The following ASCC3 variants were observed in gnomAD, a reference collection of about 807,000 sequenced individuals.
ASCC3 encodes ASC-1 complex subunit P200.
ASCC3 carries 158 observed loss-of-function variants against 256.3 expected under a neutral mutation model. The observed-to-expected ratio is 0.62, with a 90% CI of 0.54 to 0.70. ASCC3 has a LOEUF of 0.70. Among genes scored for constraint, ASCC3 ranks in the 30% least tolerant of loss-of-function variants. The pLI, the probability that ASCC3 is intolerant of heterozygous loss-of-function variation, is 0.00. For missense variants in ASCC3, 2,259 were observed against 2,626.0 expected (o/e 0.86, Z 3.05); for synonymous variants, 948 against 883.4 (o/e 1.07, Z -1.30).
chr6:100,819,171 G>T (rs193075035), intron 4 of ASCC3, among the ~76,000 whole-genome samples: 180 of 151,972 alleles, frequency 1.2e-3, no homozygotes, highest in African/African-American at 4.2e-3. Context: ...GTCGGGGGCT[G>T]GGGGGCTGGG....
intron 11 of ASCC3, among the ~76,000 whole-genome samples, chr6:100,719,215 T>C (rs1263952675): frequency 6.6e-6 from 1 of 152,080 alleles, no homozygotes; most frequent in Non-Finnish European, 1.5e-5. Flanking sequence ...AATACATATA[T>C]AGTATCTTAT....
intron 36 of ASCC3, among the ~76,000 whole-genome samples, chr6:100,551,386 G>A (rs1769292615): frequency 6.6e-6 from 1 of 151,892 alleles, no homozygotes; most frequent in Non-Finnish European, 1.5e-5. Context: ...TAGTGGGCAT[G>A]TAGGTATCTG....
At chr6:100,766,533 T>C (rs1781663284) in intron 10 of ASCC3, 32 bp downstream of exon 10, 1 of 1,607,644 alleles carries the variant, frequency 6.2e-7, no homozygotes, top group South Asian at 1.1e-5. Flanking sequence ...AAAAGAATGG[T>C]ATTAAACAAA....
At chr6:100,810,492 T>C (rs2114382759) in intron 4 of ASCC3, among the ~76,000 whole-genome samples, 1 of 152,284 alleles carries the variant, frequency 6.6e-6, no homozygotes. Context: ...CAAAGACATG[T>C]TGTATTCGTA....
chr6:100,730,428 GA>G (rs1779850169), intron 10 of ASCC3, among the ~76,000 whole-genome samples: 2 of 152,114 alleles, frequency 1.3e-5, no homozygotes, highest in African/African-American at 4.8e-5. Context: ...CTAAGCTAAA[GA>G]GCAACCTTCA....
intron 10 of ASCC3, among the ~76,000 whole-genome samples, chr6:100,740,108 T>A (rs943306683): frequency 6.6e-6 from 1 of 152,218 alleles, no homozygotes; most frequent in Non-Finnish European, 1.5e-5. Flanking sequence ...TTTCACTGTA[T>A]CCCAGAGATT....
chr6:100,589,337 A>ATT (rs1355060785), intron 36 of ASCC3, among the ~76,000 whole-genome samples: 4 of 152,282 alleles, frequency 2.6e-5, no homozygotes, highest in Admixed American at 2.6e-4. Context: ...AGGCTATTAT[A>ATT]TTTAAGGATA....
intron 13 of ASCC3, among the ~76,000 whole-genome samples, chr6:100,700,708 C>T (rs1332179597): frequency 6.6e-6 from 1 of 152,216 alleles, no homozygotes; most frequent in Non-Finnish European, 1.5e-5. Flanking sequence ...GGAGGTTTAA[C>T]ATTTGACTGC....
chr6:100,532,294 A>C (rs1315658310), intron 37 of ASCC3, among the ~76,000 whole-genome samples: 1 of 145,278 alleles, frequency 6.9e-6, no homozygotes, highest in African/African-American at 2.5e-5. Context: ...TGTTTCACTC[A>C]GATTAGCTCA....
intron 4 of ASCC3, among the ~76,000 whole-genome samples, chr6:100,833,404 G>A (rs1298441332): frequency 6.6e-6 from 1 of 152,090 alleles, no homozygotes; most frequent in Admixed American, 6.5e-5. Flanking sequence ...ATTTGTCAAG[G>A]CCCATACAAT....
intron 25 of ASCC3, 43 bp downstream of exon 25, chr6:100,638,558 C>T: frequency 6.8e-7 from 1 of 1,475,946 alleles, no homozygotes; most frequent in Non-Finnish European, 9.4e-7. Context: ...AGATTATGAA[C>T]TGTCTTTTCT....
At chr6:100,762,240 T>TC (rs34498541) in intron 10 of ASCC3, among the ~76,000 whole-genome samples, 1 of 150,724 alleles carries the variant, frequency 6.6e-6, no homozygotes, top group Non-Finnish European at 1.5e-5. Context: ...GGTAAACGCC[T>TC]CCCCCTACGA....
chr6:100,526,876 T>C (rs1224273933), intron 37 of ASCC3, among the ~76,000 whole-genome samples: 4 of 152,182 alleles, frequency 2.6e-5, no homozygotes, highest in Non-Finnish European at 5.9e-5. Flanking sequence ...TTCACCTTCA[T>C]CTCTATGAAT....
intron 34 of ASCC3, among the ~76,000 whole-genome samples, chr6:100,596,092 T>G (rs1004710847): frequency 6.6e-6 from 1 of 152,182 alleles, no homozygotes; most frequent in Non-Finnish European, 1.5e-5. Context: ...CCTTTCGTTT[T>G]GATTTCATCT....
intron 36 of ASCC3, among the ~76,000 whole-genome samples, chr6:100,544,520 A>G (rs911507202): frequency 5.3e-5 from 8 of 152,080 alleles, no homozygotes; most frequent in Non-Finnish European, 1.0e-4. Context: ...ATAATAATTA[A>G]AAAATAATAT....
chr6:100,569,593 C>A (rs1046937997), intron 36 of ASCC3, among the ~76,000 whole-genome samples: 38 of 151,978 alleles, frequency 2.5e-4, no homozygotes, highest in African/African-American at 9.2e-4. Context: ...ACCGTGTTAG[C>A]CAGGATGGTC....
At chr6:100,872,993 C>A (rs913441955) in intron 1 of ASCC3, among the ~76,000 whole-genome samples, 1 of 152,040 alleles carries the variant, frequency 6.6e-6, no homozygotes, top group Non-Finnish European at 1.5e-5. Flanking sequence ...ACACCCCCCC[C>A]AAAAAATCAC....
rs1396205297 is a variant in ASCC3, at chr6:100,512,843, C to G, written c.6151G>C (p.Glu2051Gln). The change falls in exon 40 of 42, where the codon GAA becomes CAA. Residue 2051 changes from glutamate to glutamine, a missense_variant. Transcript: ENST00000369162. ...SVKGSWDDLVEGHNELSVSTL... is the reference protein window; with the variant it reads ...SVKGSWDDLVQGHNELSVSTL... Reference sequence around the variant, plus strand: ...GAGACAGAGAGTTCATTATGTCCTTCAACTAAGTCATCCCACGAGCCTTTA... The same window carrying G: ...GAGACAGAGAGTTCATTATGTCCTTGAACTAAGTCATCCCACGAGCCTTTA... 1 of 1,614,090 alleles carries G rather than the reference C, an allele frequency of 6.2e-7. No individual in the cohort carries two copies. The highest frequency in any genetic ancestry group is 1.1e-5 in the South Asian group (1 of 91,078).
intron 30 of ASCC3, among the ~76,000 whole-genome samples, chr6:100,608,756 TATATATATATATAC>T: frequency 1.9e-5 from 1 of 51,578 alleles, no homozygotes; most frequent in African/African-American, 7.4e-5. Flanking sequence ...TATATATATA[TATATATATATATAC>T]TTTTTCTTTT....
Sources: gnomAD v4.1 joint callset for allele counts (sites outside exome capture counted in the v4.1 genomes callset) on GRCh38, gnomAD v4.1.1 for gene constraint, MANE v1.5 for transcripts, NCBI Gene and HGNC (gene_info 2026-07-23, HGNC 2026-07-21) for gene names.